ITPRID2: variants seen among roughly 807,000 people sequenced by gnomAD.
ITPRID2 encodes the protein protein ITPRID2.
Under a neutral mutation model 124.3 loss-of-function variants are expected in ITPRID2, and 60 were observed. The observed-to-expected ratio is 0.48, with a 90% confidence interval of 0.39 to 0.60. The LOEUF is 0.60. Among genes scored for constraint, ITPRID2 ranks in the 20% least tolerant of loss-of-function variants. The pLI, the probability that ITPRID2 is intolerant of heterozygous loss-of-function variation, is 0.00. For missense variants in ITPRID2, 1,553 were observed against 1,512.2 expected (o/e 1.03, Z -0.45); for synonymous variants, 521 against 542.9 (o/e 0.96, Z 0.56).
In ITPRID2 at chr2:181,915,071, G is replaced by A; in HGVS notation, c.1576-145G>A. On this transcript the variant is annotated intron_variant, in intron 10 of 17. Transcript: ENST00000431877. ...AAGGAGGGATGTGGTTGCTGCTCAG[G>A]AGCAATAAAACAATTTTGAGCAACA... is the stretch of plus-strand genomic sequence containing the variant. 5 of 853,202 alleles carry A rather than the reference G, an allele frequency of 5.9e-6. No individual in the cohort carries two copies. The South Asian group carries it at 7.1e-5, about 12-fold the overall frequency. 52.9% of individuals were successfully genotyped at this position (853,202 alleles called of 1,614,324 possible).
intron 16 of ITPRID2, among the ~76,000 whole-genome samples, chr2:181,926,595 C>T (rs1694881988): frequency 6.6e-6 from 1 of 151,776 alleles, no homozygotes; most frequent in Non-Finnish European, 1.5e-5. Flanking sequence ...TGCCTGTAGT[C>T]CCAGCTACTC....
intron 7 of ITPRID2, 36 bp downstream of exon 7, chr2:181,900,940 A>C (rs778352966): frequency 2.0e-6 from 3 of 1,486,168 alleles, no homozygotes; most frequent in Non-Finnish European, 2.7e-6. Context: ...TTATTTTCTT[A>C]AATTATAGCA....
rs749886309 is a variant in ITPRID2 at position 181,913,830 on chromosome 2, T to C, written c.1487-15T>C. On this transcript the variant is annotated splice_polypyrimidine_tract_variant and intron_variant, in intron 9 of 17. Transcript: ENST00000431877. ...AGATCATCTGTTTCTTATAGCCACA[T>C]TTTTTTATTCATAGATCATCTGTTA... 8 of 1,591,854 alleles carry C rather than the reference T, an allele frequency of 5.0e-6. No individual in the cohort carries two copies. The highest frequency in any genetic ancestry group is 1.1e-5 in the South Asian group (1 of 87,774).
rs1381482507 is a variant in ITPRID2, at chr2:181,902,565, A to C, written c.1413+99A>C. 7.0e-6 allele frequency: 6 copies of C among 858,692 alleles called. No individual in the cohort carries two copies. 53.2% of individuals were successfully genotyped at this position (858,692 alleles called of 1,614,324 possible). ...GAGAGGTAGCTAATAGATTTATACT[A>C]GAAAAATTTATTCTAATTTTGACTT... On this transcript the variant is annotated intron_variant, in intron 8 of 17. Coordinates refer to ENST00000431877, the MANE Select transcript of ITPRID2 (RefSeq NM_001130445.3). This position sits in a 1 kb window ranked among gnomAD's most constrained non-coding sequence, Gnocchi z 4.4.
In ITPRID2 at chr2:181,915,634, C is replaced by T. The variant is rs1450744377; in HGVS notation, c.1994C>T (p.Ser665Leu). The T allele has an allele frequency of 6.2e-7, 1 of 1,614,170 alleles. No individual in the cohort carries two copies. The highest frequency in any genetic ancestry group is 8.5e-7 in the Non-Finnish European group (1 of 1,180,018). Residue 665 changes from serine to leucine, a missense_variant, in exon 11 of 18, where the codon TCA becomes TTA. By Grantham distance (145) the Ser-to-Leu change is moderately radical. Transcript: ENST00000431877. ...TQYTTHHILKSLASIEAKCSD... is the reference protein window; with the variant it reads ...TQYTTHHILKLLASIEAKCSD... Reference sequence around the variant, plus strand: ...TATACCACACACCATATTCTGAAATCATTGGCTTCTATTGAAGCTAAATGC... The same window carrying T: ...TATACCACACACCATATTCTGAAATTATTGGCTTCTATTGAAGCTAAATGC...
rs1336679002 is a variant in ITPRID2 at position 181,907,729 on chromosome 2, TGCC to T, written c.1414-2166_1414-2164del. On this transcript the variant is annotated intron_variant, in intron 8 of 17. Transcript: ENST00000431877. This position sits in a 1 kb window ranked among gnomAD's most constrained non-coding sequence, Gnocchi z 5.1. ...TGGTGTACCCCATCTCAAATTTGAC[TGCC>T]GCCTTTTGCACAATTGTGACCAATA... is the stretch of plus-strand genomic sequence containing the variant. Among the ~76,000 whole-genome samples, 2 of 152,192 alleles carry T rather than the reference TGCC, an allele frequency of 1.3e-5. No homozygotes were observed. The highest frequency in any genetic ancestry group is 2.9e-5 in the Non-Finnish European group (2 of 68,020).
chr2:181,921,842 T>C (rs1257257705), intron 15 of ITPRID2, 106 bp from the exon 16 acceptor site: 6 of 975,380 alleles, frequency 6.2e-6, no homozygotes, highest in Non-Finnish European at 9.1e-6. Context: ...TTTATGTCTT[T>C]ACAAATTACA....
At position 181,919,372 on chromosome 2, in the gene ITPRID2, G is replaced by A. The variant is rs1449565398; in HGVS notation, c.3070G>A (p.Glu1024Lys). 2 of 1,613,928 alleles carry A rather than the reference G, an allele frequency of 1.2e-6. No individual in the cohort carries two copies. Among genetic ancestry groups the A allele is most frequent in the Non-Finnish European group, 1.7e-6 (2 of 1,179,994 alleles). ...TCAGGACCTGGAACTGCAGCTGGAG[G>A]AGCGCCTGCTGGGCCTGGAGGAGCA... ...ELQDLELQLE[E>K]RLLGLEEQLR... The change falls in exon 14 of 18, where the codon GAG becomes AAG. Residue 1024 changes from glutamate to lysine, a missense_variant. Physicochemically the swap from Glu to Lys is moderately conservative, Grantham distance 56. Coordinates refer to ENST00000431877, the MANE Select transcript of ITPRID2 (RefSeq NM_001130445.3). The surrounding 1 kb of genome is among the most constrained non-coding windows in gnomAD (Gnocchi z 4.2).
At chr2:181,908,489 T>G (rs760480968) in intron 8 of ITPRID2, among the ~76,000 whole-genome samples, 1 of 152,230 alleles carries the variant, frequency 6.6e-6, no homozygotes, top group Non-Finnish European at 1.5e-5. Flanking sequence ...TTCCCTTGCA[T>G]ACAAGACAAT....
Position 181,896,759 on chromosome 2 carries a change from T to G in ITPRID2, c.308-149T>G, listed in dbSNP as rs1011226481. 1.5e-6 allele frequency: 1 copy of G among 665,464 alleles called. No homozygotes were observed. The highest frequency in any genetic ancestry group is 2.7e-6 in the Non-Finnish European group (1 of 371,186). The allele number at this position is 665,464 out of a possible 1,614,324, so 41.2% of individuals were successfully genotyped here. ...AGCTTATACCTGCTTCTTGAAGTTA[T>G]ATAATCAGAATAATGTCTGAGTACA... On this transcript the variant is annotated intron_variant, in intron 3 of 17. Transcript: ENST00000431877. The surrounding 1 kb of genome is among the most constrained non-coding windows in gnomAD (Gnocchi z 4.3).
chr2:181,915,520 A>ATTTG lies in ITPRID2; in HGVS notation c.1884_1887dup (p.Pro630ValfsTer15). 6.2e-7 allele frequency: 1 copy of ATTTG among 1,614,194 alleles called. No homozygotes were observed. The highest frequency in any genetic ancestry group is 8.5e-7 in the Non-Finnish European group (1 of 1,180,040). On this transcript the variant is annotated frameshift_variant, in exon 11 of 18. Transcript: ENST00000431877. LOFTEE classifies it high-confidence loss of function. The stretch of plus-strand genomic sequence containing the variant: ...ATTGAAATTACTGAAGTGGAAGAGG[A>ATTTG]TTTGTTTCCAGCAGAGACAGTAGAG...
chr2:181,915,844 G>A lies in ITPRID2; in HGVS notation c.2204G>A (p.Arg735Lys), dbSNP rs1041519169. 6.2e-7 allele frequency: 1 copy of A among 1,614,186 alleles called. No homozygotes were observed. Residue 735 changes from arginine (R) to lysine (K), a missense_variant, in exon 11 of 18, where the codon AGA becomes AAA. Physicochemically the swap from Arg to Lys is conservative, Grantham distance 26. Transcript: ENST00000431877. ...TTTGCAAAAGCTGGCTATCCTCTAAGAAGGTCTCAGTCTTTACCAACCACC... is the reference window on the plus strand; with the variant it reads ...TTTGCAAAAGCTGGCTATCCTCTAAAAAGGTCTCAGTCTTTACCAACCACC... ...YLFAKAGYPL[R>K]RSQSLPTTLL... is the part of the protein sequence containing the mutation.
At position 181,897,055 on chromosome 2, in the gene ITPRID2, AG is replaced by A; in HGVS notation, c.364+92del. The A allele has an allele frequency of 1.1e-5, 12 of 1,102,900 alleles. 2 individuals carry two copies. The South Asian group carries it at 1.5e-4, about 13-fold the overall frequency. The allele number at this position is 1,102,900 out of a possible 1,614,324, so 68.3% of individuals were successfully genotyped here. ...AATGGTTTCAGGTTTATGATCCTCAAGCTAAATTTAAAGGTCTTGAAAATGG... is the reference window on the plus strand; with the variant it reads ...AATGGTTTCAGGTTTATGATCCTCAACTAAATTTAAAGGTCTTGAAAATGG... On this transcript the variant is annotated intron_variant, in intron 4 of 17. Transcript: ENST00000431877.
rs1394670224 is a variant in ITPRID2, at chr2:181,892,699, C to T, written c.257+39C>T. On this transcript the variant is annotated intron_variant, in intron 2 of 17. Transcript: ENST00000431877. The surrounding 1 kb of genome is among the most constrained non-coding windows in gnomAD (Gnocchi z 5.2). ...GGTCCGCCCGCGTCCCGGGGGAGAT[C>T]CGTGCGGACGGGACGCCGGAGCAGA... 2 of 1,612,864 alleles carry T rather than the reference C, an allele frequency of 1.2e-6. No individual in the cohort carries two copies. Among genetic ancestry groups the T allele is most frequent in the Non-Finnish European group, 1.7e-6 (2 of 1,179,188 alleles).
chr2:181,916,275 A>T lies in ITPRID2; in HGVS notation c.2635A>T (p.Ser879Cys). Residue 879 changes from serine to cysteine, a missense_variant, in exon 11 of 18, where the codon AGT (serine) becomes TGT (cysteine). Transcript: ENST00000431877. Reference protein sequence around the residue: ...SVPNISGATCSAFASPFGCPY... With the variant: ...SVPNISGATCCAFASPFGCPY... ...TCCCAACATATCAGGGGCTACTTGT[A>T]GTGCCTTCGCTTCCCCTTTCGGGTG... The T allele has an allele frequency of 6.2e-7, 1 of 1,614,202 alleles. No individual in the cohort carries two copies. The highest frequency in any genetic ancestry group is 8.5e-7 in the Non-Finnish European group (1 of 1,180,044).
chr2:181,901,994 G>A lies in ITPRID2; in HGVS notation c.941G>A (p.Ser314Asn). The change falls in exon 8 of 18, where the codon AGT becomes AAT. Residue 314 changes from serine (S) to asparagine (N), a missense_variant. By Grantham distance (46) the Ser-to-Asn change is conservative (BLOSUM62 1). Coordinates refer to ENST00000431877, the MANE Select transcript of ITPRID2 (RefSeq NM_001130445.3). ...GTTGATAAAACAGAGAAAGGAGAAA[G>A]TAGTAGTCCTTCTCCATCAGCTGAA... ...LCVDKTEKGE[S>N]SSPSPSAEKG... 6.2e-7 allele frequency: 1 copy of A among 1,613,866 alleles called. No homozygotes were observed. Among genetic ancestry groups the A allele is most frequent in the Non-Finnish European group, 8.5e-7 (1 of 1,179,898 alleles).
rs148219919 is a variant in ITPRID2, at chr2:181,924,561, A to T, written c.3675+2149A>T. Among the ~76,000 whole-genome samples the T allele has an allele frequency of 6.3e-4, 96 of 152,352 alleles. 1 individual carries two copies. The highest frequency in any genetic ancestry group is 2.6e-3 in the Admixed American group (40 of 15,302). On this transcript the variant is annotated intron_variant, in intron 16 of 17. Transcript: ENST00000431877. ...GGGTTGAACAGTTTTGCAGGTGAGG[A>T]TTAAGCATGTTTGGCAGGCACTTTC...
intron 5 of ITPRID2, 21 bp downstream of exon 5, chr2:181,898,940 A>G (rs760034442): frequency 3.7e-6 from 6 of 1,606,246 alleles, no homozygotes; most frequent in Middle Eastern, 1.6e-4. Flanking sequence ...GTTTTGTTCT[A>G]TTTCTTTTAA....
chr2:181,916,885 C>T (rs532676877), intron 11 of ITPRID2: 14 of 997,794 alleles, frequency 1.4e-5, no homozygotes, highest in South Asian at 8.7e-5. Context: ...TGGTTCTGCT[C>T]GTAGCTCTCT....
Sources: gnomAD v4.1 joint callset for allele counts (sites outside exome capture counted in the v4.1 genomes callset) on GRCh38, gnomAD v4.1.1 for gene constraint, Gnocchi (gnomAD v3.1) non-coding constraint, MANE v1.5 for transcripts, NCBI Gene and HGNC (gene_info 2026-07-23, HGNC 2026-07-21) for gene names.